Variants in KPNA4 observed in about 807,000 individuals in gnomAD.
KPNA4 encodes karyopherin subunit alpha 4.
A neutral mutation model predicts 71.3 loss-of-function variants in KPNA4; 13 were observed. The ratio of observed to expected loss-of-function variants is 0.18; its 90% CI spans 0.12 to 0.29. The LOEUF (loss-of-function observed/expected upper bound fraction) is 0.29, where lower values mean the gene tolerates loss of function less well. Among genes scored for constraint, KPNA4 ranks in the 10% least tolerant of loss-of-function variants. The pLI is 1.00. For missense variants in KPNA4, 334 were observed against 603.2 expected, an observed-to-expected ratio of 0.55 and a Z score of 4.67; for synonymous variants, 189 against 195.2, an observed-to-expected ratio of 0.97 and a Z score of 0.26.
intron 1 of KPNA4, among the ~76,000 whole-genome samples, chr3:160,545,378 TAAG>T (rs1281144120): frequency 1.3e-5 from 2 of 151,196 alleles, no homozygotes; most frequent in Non-Finnish European, 3.0e-5. Flanking sequence ...TTCTGAGTGT[TAAG>T]GAGAAAACAG....
At chr3:160,549,325 GCTTTT>G (rs1211631945) in intron 1 of KPNA4, among the ~76,000 whole-genome samples, 1 of 152,046 alleles carries the variant, frequency 6.6e-6, no homozygotes, top group Non-Finnish European at 1.5e-5. Flanking sequence ...TTATAGCTTT[GCTTTT>G]AAGTGTCTTA....
intron 2 of KPNA4, 80 bp from the exon 3 acceptor site, chr3:160,535,977 C>T: frequency 9.6e-7 from 1 of 1,041,460 alleles, no homozygotes. Context: ...TCATACAAAG[C>T]TCAGGCAATC....
chr3:160,515,234 C>T (rs1247348335), intron 12 of KPNA4: 2 of 607,450 alleles, frequency 3.3e-6, no homozygotes, highest in Non-Finnish European at 6.2e-6. Flanking sequence ...TTCATCATTT[C>T]CAAGAGAGCC....
At chr3:160,534,015 G>T (rs1003333451) in intron 5 of KPNA4, among the ~76,000 whole-genome samples, 4 of 152,164 alleles carry the variant, frequency 2.6e-5, no homozygotes, top group African/African-American at 9.7e-5. Context: ...AGATTTTTCT[G>T]CCTACATAAA....
chr3:160,514,346 C>T (rs1008801696), intron 12 of KPNA4, among the ~76,000 whole-genome samples, 165 bp from the exon 13 acceptor site: 1 of 152,188 alleles, frequency 6.6e-6, no homozygotes, highest in Non-Finnish European at 1.5e-5. Context: ...TCCATATTTT[C>T]TTTGGACAAA....
At position 160,546,526 on chromosome 3, in the gene KPNA4, A is replaced by G. The variant is rs186792249; in HGVS notation, c.70-9686T>C. On this transcript the variant is annotated intron_variant, in intron 1 of 16. Coordinates refer to ENST00000334256, the MANE Select transcript of KPNA4 (RefSeq NM_002268.5). The stretch of plus-strand genomic sequence containing the variant: ...GAGCAAGACTCCATCTCAGAAAAAA[A>G]GAAGAATCTGTGAGAATATGGAACC... Among the ~76,000 whole-genome samples, 27 of 152,334 alleles carry G rather than the reference A, an allele frequency of 1.8e-4. No individual in the cohort carries two copies. The East Asian group carries it at 3.7e-3, about 21-fold the overall frequency.
intron 1 of KPNA4, among the ~76,000 whole-genome samples, chr3:160,552,486 T>C (rs1158586805): frequency 6.6e-6 from 1 of 152,202 alleles, no homozygotes; most frequent in Non-Finnish European, 1.5e-5. Flanking sequence ...CATACCAGGC[T>C]CTGTAATGAG....
chr3:160,544,590 A>T (rs1378969024), intron 1 of KPNA4, among the ~76,000 whole-genome samples: 21 of 152,210 alleles, frequency 1.4e-4, no homozygotes, highest in Admixed American at 1.4e-3. Context: ...TGAATCCTTA[A>T]CAGAAGAAAT....
At chr3:160,555,523 A>G (rs1004807294) in intron 1 of KPNA4, among the ~76,000 whole-genome samples, 7 of 152,166 alleles carry the variant, frequency 4.6e-5, no homozygotes, top group African/African-American at 1.7e-4. Context: ...TTACTTTATC[A>G]ATTAGGCACA....
Position 160,498,509 on chromosome 3 carries a change from G to A in KPNA4, c.*3595C>T, listed in dbSNP as rs1720812445. ...TGCAGGGCAAAGGTGAAGGGATTTT[G>A]CAGGGGTAATGAAGGTACCTCATCA... On this transcript the variant is annotated 3_prime_UTR_variant, in exon 17 of 17. Transcript: ENST00000334256. The A allele has an allele frequency of 6.6e-6, 1 of 152,262 alleles. No homozygotes were observed. Among genetic ancestry groups the A allele is most frequent in the African/African-American group, 2.4e-5 (1 of 41,444 alleles). The allele number at this position is 152,262 out of a possible 1,614,324, so 9.4% of individuals were successfully genotyped here. A position where few individuals can be genotyped will look rare whatever the true frequency, so the allele number is the denominator to read the frequency against.
chr3:160,518,073 T>C (rs1195619515), intron 11 of KPNA4, among the ~76,000 whole-genome samples: 1 of 152,124 alleles, frequency 6.6e-6, no homozygotes. Flanking sequence ...CCTGTATTTT[T>C]CTTCTAAGAG....
intron 1 of KPNA4, among the ~76,000 whole-genome samples, chr3:160,547,496 C>G (rs923375575): frequency 6.6e-6 from 1 of 152,104 alleles, no homozygotes; most frequent in African/African-American, 2.4e-5. Context: ...TGCCCCCACA[C>G]AGGCAAATCC....
At chr3:160,514,250 G>T in intron 12 of KPNA4, 69 bp from the exon 13 acceptor site, 1 of 1,034,950 alleles carries the variant, frequency 9.7e-7, no homozygotes, top group Non-Finnish European at 1.4e-6. Flanking sequence ...AAGTAAAAAA[G>T]CATTCACTAC....
At chr3:160,506,908 G>A (rs1014185758) in intron 15 of KPNA4, among the ~76,000 whole-genome samples, 1 of 152,000 alleles carries the variant, frequency 6.6e-6, no homozygotes, top group Non-Finnish European at 1.5e-5. Flanking sequence ...TAATTTTGAA[G>A]CCGCTCACCA....
chr3:160,552,548 T>C (rs993936664), intron 1 of KPNA4, among the ~76,000 whole-genome samples: 2 of 152,212 alleles, frequency 1.3e-5, no homozygotes, highest in Non-Finnish European at 2.9e-5. Context: ...GAGCTTATAG[T>C]CTGACGGGAG....
intron 11 of KPNA4, 133 bp from the exon 12 acceptor site, chr3:160,515,713 CA>C (rs1721201884): frequency 3.2e-6 from 3 of 927,432 alleles, no homozygotes; most frequent in Non-Finnish European, 4.7e-6. Context: ...CTCTCAGGCT[CA>C]AGTGATCCTC....
intron 1 of KPNA4, among the ~76,000 whole-genome samples, chr3:160,544,342 A>T (rs1274447921): frequency 6.6e-6 from 1 of 152,254 alleles, no homozygotes; most frequent in Non-Finnish European, 1.5e-5. Context: ...ACTGCAAGAT[A>T]AACTTTCAGA....
At chr3:160,545,693 TTA>T (rs1443471784) in intron 1 of KPNA4, among the ~76,000 whole-genome samples, 1 of 152,132 alleles carries the variant, frequency 6.6e-6, no homozygotes, top group Non-Finnish European at 1.5e-5. Flanking sequence ...ATGTTCTGAT[TTA>T]AAAGAGAATT....
chr3:160,543,720 G>C (rs547294080), intron 1 of KPNA4, among the ~76,000 whole-genome samples: 11 of 152,314 alleles, frequency 7.2e-5, no homozygotes, highest in African/African-American at 2.6e-4. Context: ...TCTATGCTAA[G>C]AATCATGAAA....
Sources: allele counts gnomAD v4.1 joint callset (sites outside exome capture counted in the v4.1 genomes callset), GRCh38; gene constraint gnomAD v4.1.1; transcripts MANE v1.5; gene names NCBI Gene and HGNC (gene_info 2026-07-23, HGNC 2026-07-21).